Variants in PSMG2 observed in about 807,000 individuals in gnomAD.
PSMG2 encodes the protein proteasome assembly chaperone 2.
PSMG2 carries 21 observed loss-of-function variants against 31.5 expected under a neutral mutation model. The observed-to-expected ratio is 0.67, with a 90% confidence interval of 0.47 to 0.96. PSMG2 has a LOEUF of 0.96. Ranked by LOEUF, PSMG2 falls within the 40% of genes least tolerant of loss-of-function variation. PSMG2 has a pLI of 0.00. For synonymous variants in PSMG2, 120 were observed against 110.4 expected (o/e 1.09, Z -0.54); for missense variants, 318 against 321.2 (o/e 0.99, Z 0.08).
intron 2 of PSMG2, among the ~76,000 whole-genome samples, chr18:12,710,887 C>G (rs535318270): frequency 4.5e-4 from 68 of 152,176 alleles, no homozygotes; most frequent in African/African-American, 1.4e-3. Flanking sequence ...ATTGCCTGAG[C>G]TCAGGAGTTC....
At chr18:12,702,705 C>A, upstream of PSMG2, 1 of 800,872 alleles carries the variant, frequency 1.2e-6, no homozygotes, top group Admixed American at 3.2e-5. Flanking sequence ...CGCGTCAGGC[C>A]GGGGGCTGAC....
At chr18:12,692,881 T>C (rs939521849) in intron 1 of PSMG2, among the ~76,000 whole-genome samples, 3 of 152,220 alleles carry the variant, frequency 2.0e-5, no homozygotes, top group Non-Finnish European at 4.4e-5. Flanking sequence ...GGAGTGCTAC[T>C]GCATGATCAT....
chr18:12,697,309 A>G (rs2039990525), intron 1 of PSMG2: 5 of 1,613,894 alleles, frequency 3.1e-6, no homozygotes, highest in African/African-American at 1.3e-5. Flanking sequence ...TGATGCTACT[A>G]AAGTCGTCTC....
intron 3 of PSMG2, among the ~76,000 whole-genome samples, chr18:12,713,124 G>A (rs915205413): frequency 1.3e-5 from 2 of 152,164 alleles, no homozygotes; most frequent in East Asian, 1.9e-4. Flanking sequence ...TTCTGAATCC[G>A]ACTTCTTTCC....
intron 4 of PSMG2, 123 bp downstream of exon 4, chr18:12,718,758 A>G (rs887616207): frequency 9.7e-6 from 6 of 617,270 alleles, no homozygotes; most frequent in Admixed American, 9.1e-5. Context: ...GTTTAGAAAG[A>G]GGGGGGTAAG....
At chr18:12,682,154 A>G (rs2039373177) in intron 1 of PSMG2, among the ~76,000 whole-genome samples, 1 of 152,128 alleles carries the variant, frequency 6.6e-6, no homozygotes, top group Non-Finnish European at 1.5e-5. Flanking sequence ...GTCCGAATGA[A>G]GAAATTTCTT....
At chr18:12,676,279 C>CTTTTTTT (rs1157897766) in intron 1 of PSMG2, among the ~76,000 whole-genome samples, 1 of 106,428 alleles carries the variant, frequency 9.4e-6, no homozygotes, top group Non-Finnish European at 1.9e-5. Context: ...ACAGTAATTC[C>CTTTTTTT]TTTTTTTTTT....
chr18:12,720,172 T>G (rs1598687480), intron 4 of PSMG2, among the ~76,000 whole-genome samples: 1 of 152,196 alleles, frequency 6.6e-6, no homozygotes, highest in East Asian at 1.9e-4. Context: ...CTTAGACACC[T>G]ATAAAACCAG....
intron 1 of PSMG2, chr18:12,674,870 T>C (rs914680115): frequency 1.8e-6 from 1 of 543,206 alleles, no homozygotes; most frequent in Admixed American, 3.6e-5. Flanking sequence ...AAAGCTATCA[T>C]AATATTTTAA....
intron 1 of PSMG2, chr18:12,670,648 T>A (rs1219483354): frequency 7.1e-6 from 1 of 141,286 alleles, no homozygotes; most frequent in East Asian, 2.1e-4. Flanking sequence ...GGCAAAAGAG[T>A]GGTTTTTTTT....
upstream of PSMG2, among the ~76,000 whole-genome samples, chr18:12,698,104 AAG>A (rs1461061824): frequency 9.9e-5 from 15 of 152,014 alleles, no homozygotes; most frequent in Admixed American, 3.9e-4. Flanking sequence ...TAAGAAAAAA[AAG>A]AAAAAATTAA....
chr18:12,709,832 C>T (rs1366815123), intron 2 of PSMG2, among the ~76,000 whole-genome samples: 1 of 151,244 alleles, frequency 6.6e-6, no homozygotes, highest in African/African-American at 2.4e-5. Flanking sequence ...GACAGGGTTT[C>T]ACCATGTTGG....
chr18:12,718,352 C>G (rs2040398062), intron 3 of PSMG2, among the ~76,000 whole-genome samples, 165 bp from the exon 4 acceptor site: 1 of 152,188 alleles, frequency 6.6e-6, no homozygotes, highest in African/African-American at 2.4e-5. Flanking sequence ...TGCTCTTTAT[C>G]ATTCACTTTC....
chr18:12,680,358 G>T (rs1258257845), intron 1 of PSMG2, among the ~76,000 whole-genome samples: 2 of 152,080 alleles, frequency 1.3e-5, no homozygotes, highest in Non-Finnish European at 2.9e-5. Flanking sequence ...CACTTTGGGA[G>T]GCTGAGGTAG....
chr18:12,698,248 A>G (rs1335377363), upstream of PSMG2, among the ~76,000 whole-genome samples: 1 of 152,018 alleles, frequency 6.6e-6, no homozygotes, highest in African/African-American at 2.4e-5. Flanking sequence ...TTATTTATTT[A>G]AACAGAGTCT....
intron 1 of PSMG2, chr18:12,673,285 A>C (rs1226844390): frequency 6.7e-7 from 1 of 1,494,180 alleles, no homozygotes; most frequent in East Asian, 2.6e-5. Flanking sequence ...TTAAAATAAC[A>C]AACCTCTAAA....
Position 12,681,256 on chromosome 18 carries a change from A to ATTT in PSMG2, c.-37+22502_-37+22504dup, listed in dbSNP as rs34816720. Among the ~76,000 whole-genome samples the ATTT allele has an allele frequency of 1.4e-3, 161 of 115,344 alleles. 3 individuals carry two copies. The highest frequency in any genetic ancestry group is 1.9e-3 in the Non-Finnish European group (110 of 58,256). 75.7% of individuals were successfully genotyped at this position (115,344 alleles called of 152,430 possible). A position where few individuals can be genotyped will look rare whatever the true frequency, so the allele number is the denominator to read the frequency against. On this transcript the variant is annotated intron_variant, in intron 1 of 6. Coordinates refer to the PSMG2 transcript ENST00000585331. ...CACAACACAGAAAGAAAAGTAGAAC[A>ATTT]TTTTTTTTTTTTTTTTTTTTTGAGA...
chr18:12,720,875 A>G (rs144260808), intron 5 of PSMG2, among the ~76,000 whole-genome samples, 192 bp downstream of exon 5: 1,685 of 152,288 alleles, frequency 0.011, 29 homozygotes, highest in African/African-American at 0.038. Context: ...CTTTGAGAAT[A>G]TATTGCTAGG....
At chr18:12,666,019 A>C (rs912895747) in intron 1 of PSMG2, among the ~76,000 whole-genome samples, 15 of 152,070 alleles carry the variant, frequency 9.9e-5, no homozygotes, top group Admixed American at 2.0e-4. Flanking sequence ...TAATTGTATC[A>C]AAATTGTTCC....
Sources: gnomAD v4.1 joint callset for allele counts (sites outside exome capture counted in the v4.1 genomes callset) on GRCh38, gnomAD v4.1.1 for gene constraint, MANE v1.5 for transcripts, NCBI Gene and HGNC (gene_info 2026-07-23, HGNC 2026-07-21) for gene names.